Variants in SDK1 observed in about 807,000 individuals in gnomAD.
SDK1 encodes protein sidekick-1.
Under a neutral mutation model 245.5 loss-of-function variants are expected in SDK1, and 157 were observed. The observed-to-expected ratio is 0.64, with a 90% CI of 0.56 to 0.73. The LOEUF (loss-of-function observed/expected upper bound fraction) is 0.73. SDK1 is among the 30% of genes least tolerant of loss of function. SDK1 has a pLI of 0.00. For synonymous variants in SDK1, 1,647 were observed against 1,278.5 expected (o/e 1.29, Z -6.15); for missense variants, 3,583 against 3,002.3 (o/e 1.19, Z -4.52).
intron 29 of SDK1, among the ~76,000 whole-genome samples, chr7:4,148,915 G>A (rs1318441609): frequency 6.6e-6 from 1 of 152,144 alleles, no homozygotes; most frequent in Non-Finnish European, 1.5e-5. Flanking sequence ...AATTAGCTGG[G>A]CGTGGTGGTG....
intron 1 of SDK1, among the ~76,000 whole-genome samples, chr7:3,580,975 A>AC (rs1780462457): frequency 8.2e-6 from 1 of 121,612 alleles, no homozygotes. Context: ...TCTCAAAAAA[A>AC]AAAAAAAAAA....
intron 1 of SDK1, among the ~76,000 whole-genome samples, chr7:3,414,497 A>G (rs1009153731): frequency 1.3e-5 from 2 of 152,196 alleles, no homozygotes; most frequent in South Asian, 4.1e-4. Flanking sequence ...TTTCTTTTAC[A>G]TGAATATCTA....
At chr7:4,204,845 T>C (rs1419714068) in intron 35 of SDK1, among the ~76,000 whole-genome samples, 1 of 151,842 alleles carries the variant, frequency 6.6e-6, no homozygotes, top group African/African-American at 2.4e-5. Context: ...GAATAGGCCG[T>C]CAAGAGAAAG....
intron 5 of SDK1, among the ~76,000 whole-genome samples, chr7:3,895,673 A>T (rs983887094): frequency 6.6e-6 from 1 of 152,130 alleles, no homozygotes; most frequent in Non-Finnish European, 1.5e-5. Context: ...TAAAGTGGAT[A>T]CTTAGATCCC....
chr7:4,064,513 C>CA (rs1293123363), intron 19 of SDK1, among the ~76,000 whole-genome samples: 1 of 152,000 alleles, frequency 6.6e-6, no homozygotes, highest in Admixed American at 6.6e-5. Context: ...TATAAGTTTT[C>CA]AAAAAACTAA....
chr7:4,110,713 G>C lies in SDK1; in HGVS notation c.3375G>C (p.Glu1125Asp). 1 of 1,614,094 alleles carries C rather than the reference G, an allele frequency of 6.2e-7. No individual in the cohort carries two copies. Among genetic ancestry groups the C allele is most frequent in the Non-Finnish European group, 8.5e-7 (1 of 1,179,994 alleles). The change falls in exon 23 of 45, where the codon GAG becomes GAC. Residue 1125 changes from glutamate to aspartate, a missense_variant. Coordinates refer to ENST00000404826, the MANE Select transcript of SDK1 (RefSeq NM_152744.4). ...EEEWVTLYEEENEPDAQMLEI... is the reference protein window; with the variant it reads ...EEEWVTLYEEDNEPDAQMLEI... Reference sequence around the variant, plus strand: ...AGTGGGTCACCCTCTATGAAGAGGAGAATGAGCCTGATGCCCAGATGCTGG... The same window carrying C: ...AGTGGGTCACCCTCTATGAAGAGGACAATGAGCCTGATGCCCAGATGCTGG...
intron 4 of SDK1, among the ~76,000 whole-genome samples, chr7:3,719,953 G>C (rs115218774): frequency 6.6e-6 from 1 of 151,450 alleles, no homozygotes; most frequent in South Asian, 2.1e-4. Flanking sequence ...CCCCAGTCTG[G>C]TGACAGAACA....
At chr7:3,492,458 C>T (rs930179552) in intron 1 of SDK1, among the ~76,000 whole-genome samples, 7 of 152,242 alleles carry the variant, frequency 4.6e-5, no homozygotes, top group African/African-American at 1.7e-4. Context: ...CACGCCACCA[C>T]ACTCCAACCT....
rs1254726564 is a variant in SDK1 at position 3,933,189 on chromosome 7, C to T, written c.848-17734C>T. Among the ~76,000 whole-genome samples, 3 of 136,760 alleles carry T rather than the reference C, an allele frequency of 2.2e-5. No homozygotes were observed. In the East Asian group the frequency reaches 6.6e-4, roughly 30 times the overall value. The allele number at this position is 136,760 out of a possible 152,430, so 89.7% of individuals were successfully genotyped here. A position where few individuals can be genotyped will look rare whatever the true frequency, so the allele number is the denominator to read the frequency against. ...ACAGTGGCTTGATCATAGCTCACTACAGCCTTGACCTCCTGGGCTCAAGTG... is the reference window on the plus strand; with the variant it reads ...ACAGTGGCTTGATCATAGCTCACTATAGCCTTGACCTCCTGGGCTCAAGTG... On this transcript the variant is annotated intron_variant, in intron 5 of 44. Coordinates refer to ENST00000404826, the MANE Select transcript of SDK1 (RefSeq NM_152744.4).
At chr7:3,415,295 T>A (rs528206917) in intron 1 of SDK1, among the ~76,000 whole-genome samples, 1 of 152,128 alleles carries the variant, frequency 6.6e-6, no homozygotes, top group Non-Finnish European at 1.5e-5. Context: ...CCTGGACACA[T>A]AAATGTGTCA....
At chr7:4,012,267 C>T (rs778142256) in intron 16 of SDK1, 32 bp downstream of exon 16, 14 of 1,450,072 alleles carry the variant, frequency 9.7e-6, no homozygotes, top group East Asian at 2.7e-5. Context: ...ATCTTTAGGC[C>T]GCCATTAGAG....
At chr7:3,344,936 C>G (rs940262479) in intron 1 of SDK1, among the ~76,000 whole-genome samples, 11 of 152,188 alleles carry the variant, frequency 7.2e-5, no homozygotes, top group African/African-American at 2.2e-4. Flanking sequence ...CACACAAGCA[C>G]AAATTGACCT....
intron 5 of SDK1, among the ~76,000 whole-genome samples, chr7:3,950,650 C>T (rs575796965): frequency 8.5e-5 from 13 of 152,216 alleles, no homozygotes; most frequent in South Asian, 6.2e-4. Context: ...ATAAACCCAC[C>T]GGAAGTTGAA....
chr7:4,048,076 G>A (rs1789150783), intron 17 of SDK1, among the ~76,000 whole-genome samples: 1 of 152,188 alleles, frequency 6.6e-6, no homozygotes, highest in Admixed American at 6.5e-5. Context: ...GTTTATGTTT[G>A]TCTCATCTCT....
At chr7:3,952,990 G>T (rs564624753) in intron 7 of SDK1, among the ~76,000 whole-genome samples, 5 of 152,172 alleles carry the variant, frequency 3.3e-5, no homozygotes, top group African/African-American at 7.2e-5. Context: ...CCTGTGTTCC[G>T]CAGTGGTAGC....
chr7:4,089,137 G>A (rs919120166), intron 22 of SDK1, among the ~76,000 whole-genome samples: 1 of 150,666 alleles, frequency 6.6e-6, no homozygotes, highest in African/African-American at 2.5e-5. Context: ...TCAGGCGGAG[G>A]TGAGACCCTC....
chr7:3,355,636 C>T (rs535847409), intron 1 of SDK1, among the ~76,000 whole-genome samples: 2 of 152,280 alleles, frequency 1.3e-5, no homozygotes, highest in African/African-American at 4.8e-5. Context: ...AAATAGAAGC[C>T]ATCACTGGGA....
chr7:4,220,398 C>G (rs929520212), intron 39 of SDK1, 128 bp downstream of exon 39: 21 of 999,976 alleles, frequency 2.1e-5, no homozygotes, highest in Non-Finnish European at 2.9e-5. Context: ...GGCATCAACT[C>G]GGGGATGTCT....
intron 5 of SDK1, among the ~76,000 whole-genome samples, chr7:3,901,188 C>CT (rs1483850443): frequency 6.6e-6 from 1 of 150,684 alleles, no homozygotes; most frequent in East Asian, 2.0e-4. Flanking sequence ...CTTTTTTTTT[C>CT]TTTTTTCTTT....
Sources: allele counts gnomAD v4.1 joint callset (sites outside exome capture counted in the v4.1 genomes callset), GRCh38; gene constraint gnomAD v4.1.1; transcripts MANE v1.5; gene names NCBI Gene and HGNC (gene_info 2026-07-23, HGNC 2026-07-21).